Variants in ITIH1 observed in about 807,000 individuals in gnomAD.
ITIH1 encodes inter-alpha-trypsin inhibitor heavy chain H1.
ITIH1 carries 94 observed loss-of-function variants against 104.6 expected under a neutral mutation model. The observed-to-expected ratio is 0.90, with a 90% CI of 0.76 to 1.07. The LOEUF is 1.07. Ranked by LOEUF, ITIH1 falls within the 50% of genes least tolerant of loss-of-function variation. The probability of loss-of-function intolerance (pLI) is 0.00; values close to 1 mark genes in which losing one functional copy is unlikely to be tolerated. For missense variants in ITIH1, 1,193 were observed against 1,181.4 expected (o/e 1.01, Z -0.14); for synonymous variants, 455 against 464.4 (o/e 0.98, Z 0.26).
In ITIH1 at chr3:52,783,422, T is replaced by C. The variant is rs1578734466; in HGVS notation, c.1225+83T>C. 12 of 1,473,942 alleles carry C rather than the reference T, an allele frequency of 8.1e-6. No homozygotes were observed. In the East Asian group the frequency reaches 9.5e-5, roughly 12 times the overall value. The allele number at this position is 1,473,942 out of a possible 1,614,324, so 91.3% of individuals were successfully genotyped here. On this transcript the variant is annotated intron_variant, in intron 10 of 21. Transcript: ENST00000273283. ...CAAGCTGAAGTTGGAAACCCAACCA[T>C]TGGAGATGCCATCAGGGGGCAGAAA... is the stretch of plus-strand genomic sequence containing the variant.
At position 52,784,406 on chromosome 3, in the gene ITIH1, G is replaced by A; in HGVS notation, c.1336G>A (p.Val446Ile). The A allele has an allele frequency of 1.2e-6, 2 of 1,614,200 alleles. No individual in the cohort carries two copies. Among genetic ancestry groups the A allele is most frequent in the Non-Finnish European group, 1.7e-6 (2 of 1,180,018 alleles). Reference sequence around the variant, plus strand: ...CAATGTGGACTTTAACTTTCTGGAGGTCATGTCCATGGAGAACAACGGACG... The same window carrying A: ...CAATGTGGACTTTAACTTTCTGGAGATCATGTCCATGGAGAACAACGGACG... ...GHNVDFNFLE[V>I]MSMENNGRAQ... The change falls in exon 11 of 22, where the codon GTC becomes ATC. Residue 446 changes from valine to isoleucine, a missense_variant. Val to Ile is a conservative substitution (Grantham distance 29, BLOSUM62 3). Transcript: ENST00000273283.
chr3:52,791,750 AG>A, intron 21 of ITIH1, 31 bp from the exon 22 acceptor site: 2 of 1,607,756 alleles, frequency 1.2e-6, no homozygotes, highest in Non-Finnish European at 1.7e-6. Context: ...ACTGGTCCGA[AG>A]GGTGACCCCA....
intron 19 of ITIH1, chr3:52,790,544 G>A: frequency 1.8e-6 from 1 of 562,364 alleles, no homozygotes; most frequent in Non-Finnish European, 3.1e-6. Context: ...TTGCACAGAG[G>A]GCTTAGCACA....
chr3:52,791,925 C>G lies in ITIH1; in HGVS notation c.*14C>G. The G allele has an allele frequency of 6.2e-7, 1 of 1,604,410 alleles. No individual in the cohort carries two copies. The highest frequency in any genetic ancestry group is 8.5e-7 in the Non-Finnish European group (1 of 1,174,506). Reference sequence around the variant, plus strand: ...GACATCTTCTGAGCCCTCTGGCCAGCACGCCTGTCCTCCCCCGGGGCCAAG... The same window carrying G: ...GACATCTTCTGAGCCCTCTGGCCAGGACGCCTGTCCTCCCCCGGGGCCAAG... On this transcript the variant is annotated 3_prime_UTR_variant, in exon 22 of 22. Transcript: ENST00000273283.
Position 52,779,888 on chromosome 3 carries a change from A to G in ITIH1, c.573+294A>G. 7.2e-7 allele frequency: 1 copy of G among 1,387,466 alleles called. No individual in the cohort carries two copies. Among genetic ancestry groups the G allele is most frequent in the South Asian group, 1.5e-5 (1 of 64,876 alleles). 85.9% of individuals were successfully genotyped at this position (1,387,466 alleles called of 1,614,324 possible). A position where few individuals can be genotyped will look rare whatever the true frequency, so the allele number is the denominator to read the frequency against. On this transcript the variant is annotated intron_variant, in intron 5 of 21. Transcript: ENST00000273283. The surrounding 1 kb of genome is among the most constrained non-coding windows in gnomAD (Gnocchi z 4.4). The stretch of plus-strand genomic sequence containing the variant: ...GTACTGAATGTCCAGGTAATTTTGT[A>G]AACTAGAAAGTCCCGCGCAGCCTGA...
chr3:52,781,097 C>T (rs1160896267), intron 6 of ITIH1, among the ~76,000 whole-genome samples: 1 of 152,182 alleles, frequency 6.6e-6, no homozygotes, highest in Non-Finnish European at 1.5e-5. Context: ...TGTGGGGGAA[C>T]AAAGGGATGG....
chr3:52,783,988 G>A (rs1699133365), intron 10 of ITIH1, among the ~76,000 whole-genome samples: 1 of 152,154 alleles, frequency 6.6e-6, no homozygotes, highest in African/African-American at 2.4e-5. Context: ...GCAGAATGGG[G>A]TAAAACAAGC....
intron 8 of ITIH1, 87 bp downstream of exon 8, chr3:52,782,354 G>C: frequency 1.9e-6 from 2 of 1,055,832 alleles, no homozygotes; most frequent in Non-Finnish European, 2.9e-6. Flanking sequence ...CCAGAGTCTG[G>C]TTTGGGATTT....
Position 52,786,346 on chromosome 3 carries a change from A to G in ITIH1, c.1645A>G (p.Lys549Glu), listed in dbSNP as rs1699200313. The G allele has an allele frequency of 1.3e-6, 2 of 1,575,538 alleles. No individual in the cohort carries two copies. The highest frequency in any genetic ancestry group is 1.7e-6 in the Non-Finnish European group (2 of 1,159,590). ...CCTAGTGGATGAGGAGGAGATGAAG[A>G]AACTGCTCCGAGAGCGTGGCCACAT... ...TCLVDEEEMK[K>E]LLRERGHMLE... The change falls in exon 13 of 22, where the codon AAA becomes GAA. Residue 549 changes from lysine to glutamate, a missense_variant. Coordinates refer to ENST00000273283, the MANE Select transcript of ITIH1 (RefSeq NM_002215.4).
At chr3:52,789,500 C>T (rs115910437) in intron 18 of ITIH1, among the ~76,000 whole-genome samples, 153 bp from the exon 19 acceptor site, 6 of 152,044 alleles carry the variant, frequency 3.9e-5, no homozygotes, top group African/African-American at 1.2e-4. Flanking sequence ...GTGCTGTGTG[C>T]GGGACCAGAC....
chr3:52,778,669 C>A, intron 3 of ITIH1, 163 bp downstream of exon 3: 1 of 1,448,400 alleles, frequency 6.9e-7, no homozygotes, highest in Admixed American at 2.7e-5. Flanking sequence ...CCCTTTAGGT[C>A]TGTGCTTGGC....
chr3:52,787,831 C>T lies in ITIH1; in HGVS notation c.1925-155C>T, dbSNP rs146616254. On this transcript the variant is annotated intron_variant, in intron 16 of 21. Transcript: ENST00000273283. ...AGGCCAAGCTTCTGTCCCCGTGTCC[C>T]GGGAGCCAATCAAGGGCATGTGATG... 8,698 of 926,152 alleles carry T rather than the reference C, an allele frequency of 9.4e-3. 102 individuals are homozygous for T. The highest frequency in any genetic ancestry group is 9.4e-3 in the Middle Eastern group (44 of 4,660). The allele number at this position is 926,152 out of a possible 1,614,324, so 57.4% of individuals were successfully genotyped here.
chr3:52,777,632 G>T lies in ITIH1; in HGVS notation c.17G>T (p.Gly6Val). Residue 6 changes from glycine (G) to valine (V), a missense_variant, in exon 1 of 22, where the codon GGG becomes GTG. Coordinates refer to ENST00000273283, the MANE Select transcript of ITIH1 (RefSeq NM_002215.4). MDGAM[G>V]PRGLLLCMYL... ...CCTTAGAGCATGGACGGTGCCATGG[G>T]GCCTCGGGGGCTGCTGTTGTGCATG... The T allele has an allele frequency of 6.3e-7, 1 of 1,590,590 alleles. No homozygotes were observed. The highest frequency in any genetic ancestry group is 8.6e-7 in the Non-Finnish European group (1 of 1,169,398).
chr3:52,791,534 A>G lies in ITIH1; in HGVS notation c.2512A>G (p.Ile838Val), dbSNP rs1271331814. Reference protein sequence around the residue: ...HGLLGQFFHPIGFEVSDIHPG... With the variant: ...HGLLGQFFHPVGFEVSDIHPG... Reference sequence around the variant, plus strand: ...CTTTCTAGGGCAATTTTTCCACCCCATCGGTTTTGAAGTGTCTGACATCCA... The same window carrying G: ...CTTTCTAGGGCAATTTTTCCACCCCGTCGGTTTTGAAGTGTCTGACATCCA... Residue 838 changes from isoleucine to valine, a missense_variant, in exon 21 of 22, where the codon ATC becomes GTC. Transcript: ENST00000273283. The G allele has an allele frequency of 3.1e-6, 5 of 1,613,804 alleles. No homozygotes were observed. In the African/African-American group the frequency reaches 6.7e-5, roughly 22 times the overall value.
chr3:52,780,001 T>G (rs1230781352), intron 5 of ITIH1: 2 of 1,388,326 alleles, frequency 1.4e-6, no homozygotes, highest in Non-Finnish European at 1.9e-6. Flanking sequence ...ATTTTTGGAG[T>G]GCCTACTGAG....
At chr3:52,781,202 T>C (rs1559461109) in intron 6 of ITIH1, among the ~76,000 whole-genome samples, 4 of 52,968 alleles carry the variant, frequency 7.6e-5, no homozygotes, top group African/African-American at 3.5e-4. Context: ...CTCTTCTTTT[T>C]TTTTTTTTCT....
In ITIH1 at chr3:52,791,800, C is replaced by T. The variant is rs200068176; in HGVS notation, c.2625C>T (p.Tyr875=). ...TGCACAGGGGTTTGCAAAAAGACTA[C>T]AGCAAGGACCCGTGGCATGGGGCCG... ...LTVTRGLQKD[Y]SKDPWHGAEV... The change falls in exon 22 of 22, where the codon TAC becomes TAT. Residue 875 remains tyrosine (Y), a synonymous_variant. Coordinates refer to ENST00000273283, the MANE Select transcript of ITIH1 (RefSeq NM_002215.4). 6.9e-5 allele frequency: 112 copies of T among 1,613,612 alleles called. No homozygotes were observed. The African/African-American group carries it at 1.3e-3, about 19-fold the overall frequency.
chr3:52,784,573 C>T lies in ITIH1; in HGVS notation c.1407+96C>T, dbSNP rs1054225446. On this transcript the variant is annotated intron_variant, in intron 11 of 21. Transcript: ENST00000273283. The stretch of plus-strand genomic sequence containing the variant: ...CATCAGCCTAGAGGAGCAGATAAAG[C>T]TCTGGCATAGAGTTCAAATCAGCTG... 6.4e-6 allele frequency: 8 copies of T among 1,253,212 alleles called. No individual in the cohort carries two copies. The African/African-American group carries it at 1.2e-4, about 19-fold the overall frequency. The allele number at this position is 1,253,212 out of a possible 1,614,324, so 77.6% of individuals were successfully genotyped here. A position where few individuals can be genotyped will look rare whatever the true frequency, so the allele number is the denominator to read the frequency against.
In ITIH1 at chr3:52,785,247, GAGGGTGGAGAGGCC is replaced by G. The variant is rs1699171824; in HGVS notation, c.1593+22_1593+35del. 6.2e-7 allele frequency: 1 copy of G among 1,611,696 alleles called. No individual in the cohort carries two copies. The highest frequency in any genetic ancestry group is 1.3e-5 in the African/African-American group (1 of 74,852). On this transcript the variant is annotated intron_variant, in intron 12 of 21. Transcript: ENST00000273283. ...CCCATGGGGTAAATGGTGGGCCATG[GAGGGTGGAGAGGCC>G]AGGCAGCACCCTAGAGGCTCCAAAC...
Sources: allele counts gnomAD v4.1 joint callset (sites outside exome capture counted in the v4.1 genomes callset), GRCh38; gene constraint gnomAD v4.1.1; non-coding constraint Gnocchi (gnomAD v3.1); transcripts MANE v1.5; gene names NCBI Gene and HGNC (gene_info 2026-07-23, HGNC 2026-07-21).